Variants in PDE10A observed in about 807,000 individuals in gnomAD.
PDE10A encodes phosphodiesterase 10A, also known as cAMP and cAMP-inhibited cGMP 3',5'-cyclic phosphodiesterase 10A.
Under a neutral mutation model 97.7 loss-of-function variants are expected in PDE10A, and 39 were observed. The ratio of observed to expected loss-of-function variants is 0.40; its 90% CI spans 0.31 to 0.52. PDE10A has a LOEUF of 0.52. PDE10A is among the 20% of genes least tolerant of loss of function. PDE10A has a pLI of 0.56. For synonymous variants in PDE10A, 371 were observed against 376.8 expected (o/e 0.98, Z 0.18); for missense variants, 731 against 1,047.8 (o/e 0.70, Z 4.17).
chr6:165,466,875 G>A (rs542092565), intron 3 of PDE10A, among the ~76,000 whole-genome samples: 8 of 152,292 alleles, frequency 5.3e-5, no homozygotes, highest in African/African-American at 9.6e-5. Flanking sequence ...AGGAAGACAC[G>A]TCAAAAGCCA....
chr6:165,401,987 T>A (rs1427046513), intron 13 of PDE10A, among the ~76,000 whole-genome samples: 1 of 152,146 alleles, frequency 6.6e-6, no homozygotes, highest in Non-Finnish European at 1.5e-5. Flanking sequence ...TAAATTGGTA[T>A]TACCTGTAAT....
chr6:165,835,858 C>A (rs1780051189), intron 1 of PDE10A, among the ~76,000 whole-genome samples: 1 of 152,116 alleles, frequency 6.6e-6, no homozygotes, highest in Non-Finnish European at 1.5e-5. Context: ...GTAAGTTGAG[C>A]CACGATAAAT....
At chr6:165,985,658 C>T (rs1785170191) in intron 1 of PDE10A, among the ~76,000 whole-genome samples, 2 of 152,106 alleles carry the variant, frequency 1.3e-5, no homozygotes, top group African/African-American at 4.8e-5. Context: ...GCAAGGAGCC[C>T]GAGGGGGATC....
Position 165,537,751 on chromosome 6 carries a change from A to G in PDE10A, c.994+5689T>C, listed in dbSNP as rs905744650. On this transcript the variant is annotated intron_variant, in intron 2 of 21. Transcript: ENST00000539869. ...TATAATTCAGATCAAGACATTCAAC[A>G]CATTTTCTGGTTTCCATTACCAAAA... is the stretch of plus-strand genomic sequence containing the variant. 6.4e-4 allele frequency among the ~76,000 whole-genome samples: 98 copies of G among 152,060 alleles called. 1 individual carries two copies. The highest frequency in any genetic ancestry group is 2.3e-3 in the African/African-American group (94 of 41,542).
At chr6:165,619,132 G>C (rs1285821939) in intron 1 of PDE10A, among the ~76,000 whole-genome samples, 1 of 151,918 alleles carries the variant, frequency 6.6e-6, no homozygotes, top group Non-Finnish European at 1.5e-5. Flanking sequence ...GCATAGTCTA[G>C]TGTAGTGTAG....
chr6:165,848,624 C>A (rs1780489031), intron 1 of PDE10A, among the ~76,000 whole-genome samples: 1 of 152,298 alleles, frequency 6.6e-6, no homozygotes, highest in South Asian at 2.1e-4. Context: ...GGTGATGCTC[C>A]ACTATACACT....
chr6:165,486,410 A>G (rs1168295588), intron 2 of PDE10A, among the ~76,000 whole-genome samples: 2 of 152,330 alleles, frequency 1.3e-5, no homozygotes, highest in East Asian at 1.9e-4. Context: ...GCTTCTGTAT[A>G]TAAGTACTAC....
chr6:165,525,546 G>T (rs180769416), intron 2 of PDE10A, among the ~76,000 whole-genome samples: 1 of 152,124 alleles, frequency 6.6e-6, no homozygotes, highest in Non-Finnish European at 1.5e-5. Context: ...GCCTTAGAGG[G>T]TCCCGAAGAT....
intron 3 of PDE10A, among the ~76,000 whole-genome samples, chr6:165,480,801 G>T (rs1298811390): frequency 6.6e-6 from 1 of 152,054 alleles, no homozygotes; most frequent in Non-Finnish European, 1.5e-5. Context: ...TGAAAATAGT[G>T]GCATACTATT....
intron 1 of PDE10A, among the ~76,000 whole-genome samples, chr6:165,970,530 A>G (rs942797123): frequency 6.6e-6 from 1 of 152,212 alleles, no homozygotes. Context: ...TAAAATATCC[A>G]TAACAGTTAT....
intron 18 of PDE10A, among the ~76,000 whole-genome samples, chr6:165,357,516 T>C (rs1783100037): frequency 6.6e-6 from 1 of 152,042 alleles, no homozygotes; most frequent in African/African-American, 2.4e-5. Context: ...TCCTGAGGGA[T>C]GGGTGGTTTG....
At chr6:165,942,464 A>T (rs1410151504) in intron 1 of PDE10A, among the ~76,000 whole-genome samples, 2 of 152,100 alleles carry the variant, frequency 1.3e-5, no homozygotes, top group African/African-American at 4.8e-5. Flanking sequence ...CACCCAGAGA[A>T]GGAGGCTGTC....
intron 5 of PDE10A, among the ~76,000 whole-genome samples, chr6:165,437,456 G>A (rs73245665): frequency 0.023 from 3,496 of 152,156 alleles, 119 homozygotes; most frequent in African/African-American, 0.074. Flanking sequence ...AGAGTGTATG[G>A]AAAGCTCTTC....
At chr6:165,494,437 G>A (rs1780405864) in intron 2 of PDE10A, among the ~76,000 whole-genome samples, 1 of 141,046 alleles carries the variant, frequency 7.1e-6, no homozygotes. Flanking sequence ...ATCAATGAAT[G>A]AGTGGATAAA....
At chr6:165,422,751 G>C (rs575583482) in intron 10 of PDE10A, among the ~76,000 whole-genome samples, 1 of 152,238 alleles carries the variant, frequency 6.6e-6, no homozygotes, top group East Asian at 1.9e-4. Context: ...CACATGGGAA[G>C]ACTCGGGGTT....
intron 1 of PDE10A, among the ~76,000 whole-genome samples, chr6:165,849,316 G>A (rs1383667742): frequency 2.0e-5 from 3 of 152,166 alleles, no homozygotes; most frequent in Non-Finnish European, 4.4e-5. Flanking sequence ...AAACATTGCT[G>A]TTATCGAACC....
intron 1 of PDE10A, among the ~76,000 whole-genome samples, chr6:165,635,654 G>A (rs531971912): frequency 1.4e-4 from 21 of 152,266 alleles, no homozygotes; most frequent in African/African-American, 4.6e-4. Context: ...AATTTATTCA[G>A]AGGTTTCAAA....
chr6:165,684,633 A>G (rs1325358444), intron 1 of PDE10A, among the ~76,000 whole-genome samples: 1 of 152,242 alleles, frequency 6.6e-6, no homozygotes, highest in Admixed American at 6.5e-5. Flanking sequence ...TACTTGTACT[A>G]GGTCTTCCAG....
rs1002710143 is a variant in PDE10A, at chr6:165,987,343, C to A, written c.-615+186G>T. Among the ~76,000 whole-genome samples, 3 of 152,116 alleles carry A rather than the reference C, an allele frequency of 2.0e-5. No individual in the cohort carries two copies. In the East Asian group the frequency reaches 5.8e-4, roughly 29 times the overall value. On this transcript the variant is annotated intron_variant, in intron 1 of 19. Coordinates refer to the PDE10A transcript ENST00000366882. ...TTCTCGAGTCCACTCATCACCCTTT[C>A]CCCCAAACAGTCACCTCCACAAGCA...
Sources: allele counts gnomAD v4.1 joint callset (sites outside exome capture counted in the v4.1 genomes callset), GRCh38; gene constraint gnomAD v4.1.1; transcripts MANE v1.5; gene names NCBI Gene and HGNC (gene_info 2026-07-23, HGNC 2026-07-21).